The following INPP4B variants were observed in gnomAD, a reference collection of about 807,000 sequenced individuals.
INPP4B encodes the protein inositol polyphosphate-4-phosphatase type II B.
Under a neutral mutation model 122.5 loss-of-function variants are expected in INPP4B, and 55 were observed. The observed-to-expected ratio is 0.45, with a 90% CI of 0.36 to 0.56. The LOEUF (loss-of-function observed/expected upper bound fraction) is 0.56. INPP4B is among the 20% of genes least tolerant of loss of function. The probability of loss-of-function intolerance (pLI) is 0.00; values close to 1 mark genes in which losing one functional copy is unlikely to be tolerated. For missense variants in INPP4B, 1,000 were observed against 1,097.7 expected, an observed-to-expected ratio of 0.91 and a Z score of 1.26; for synonymous variants, 403 against 388.7, an observed-to-expected ratio of 1.04 and a Z score of -0.43.
chr4:142,624,223 G>A (rs36142547), intron 2 of INPP4B, among the ~76,000 whole-genome samples: 16,485 of 151,760 alleles, frequency 0.11, 926 homozygotes, highest in South Asian at 0.15. Flanking sequence ...ATCCTCTCCC[G>A]CACCTGTTGT....
chr4:142,584,434 G>A (rs1339161857), intron 2 of INPP4B, among the ~76,000 whole-genome samples: 1 of 152,046 alleles, frequency 6.6e-6, no homozygotes, highest in African/African-American at 2.4e-5. Context: ...ATTAGACATT[G>A]TATCTCCTTG....
intron 2 of INPP4B, among the ~76,000 whole-genome samples, chr4:142,474,758 G>A (rs750317276): frequency 2.0e-5 from 3 of 152,042 alleles, no homozygotes; most frequent in Non-Finnish European, 2.9e-5. Flanking sequence ...CTGTTGTCTG[G>A]AGAAACATCC....
chr4:142,504,791 A>T (rs1823800125), intron 2 of INPP4B, among the ~76,000 whole-genome samples: 1 of 152,148 alleles, frequency 6.6e-6, no homozygotes, highest in Admixed American at 6.6e-5. Context: ...AAATGATTAC[A>T]AATCACATAA....
chr4:142,427,511 A>G (rs1479450610), intron 5 of INPP4B: 2 of 651,708 alleles, frequency 3.1e-6, no homozygotes, highest in Non-Finnish European at 5.6e-6. Context: ...GTTGTTACTG[A>G]AATTTACTTG....
chr4:142,515,562 G>T (rs927358353), intron 2 of INPP4B, among the ~76,000 whole-genome samples: 2 of 152,130 alleles, frequency 1.3e-5, no homozygotes, highest in African/African-American at 4.8e-5. Context: ...GGGTGTAAGG[G>T]AATTCAGAGA....
chr4:142,826,514 A>ACG (rs1196294891), intron 1 of INPP4B, among the ~76,000 whole-genome samples: 1 of 146,126 alleles, frequency 6.8e-6, no homozygotes, highest in African/African-American at 2.5e-5. Context: ...ACACACACAC[A>ACG]CACAAATAAA....
At chr4:142,750,948 C>G (rs904018950) in intron 1 of INPP4B, among the ~76,000 whole-genome samples, 1 of 151,886 alleles carries the variant, frequency 6.6e-6, no homozygotes, top group South Asian at 2.1e-4. Flanking sequence ...GATGAGAAAA[C>G]TTAATAAGGA....
intron 1 of INPP4B, among the ~76,000 whole-genome samples, chr4:142,840,645 T>C (rs1359692816): frequency 6.6e-6 from 1 of 152,120 alleles, no homozygotes; most frequent in Admixed American, 6.5e-5. Context: ...AAATAAATTA[T>C]GTTTAAAAGA....
intron 25 of INPP4B, among the ~76,000 whole-genome samples, chr4:142,061,730 A>G (rs1011689098): frequency 4.6e-5 from 7 of 151,700 alleles, no homozygotes; most frequent in Non-Finnish European, 1.0e-4. Flanking sequence ...ATCAAATTAG[A>G]TTTAAGCAAA....
At chr4:142,703,849 A>G (rs1407182511) in intron 2 of INPP4B, among the ~76,000 whole-genome samples, 1 of 152,160 alleles carries the variant, frequency 6.6e-6, no homozygotes, top group African/African-American at 2.4e-5. Context: ...CAGACTAGTA[A>G]CTCAGAAGAG....
At chr4:142,368,943 G>A (rs1356766833) in intron 7 of INPP4B, among the ~76,000 whole-genome samples, 2 of 152,050 alleles carry the variant, frequency 1.3e-5, no homozygotes, top group Non-Finnish European at 2.9e-5. Context: ...TTCAAGAAGA[G>A]ACTAGTGTTT....
chr4:142,433,348 A>G (rs1317896398), intron 3 of INPP4B, among the ~76,000 whole-genome samples: 1 of 152,194 alleles, frequency 6.6e-6, no homozygotes, highest in African/African-American at 2.4e-5. Context: ...ATAGCTTTTA[A>G]GCATATTTCT....
intron 25 of INPP4B, among the ~76,000 whole-genome samples, chr4:142,056,957 C>T (rs1325113349): frequency 1.3e-5 from 2 of 152,092 alleles, no homozygotes; most frequent in African/African-American, 4.8e-5. Flanking sequence ...TGCTTGGGAA[C>T]TCTGAAGGCT....
intron 12 of INPP4B, among the ~76,000 whole-genome samples, chr4:142,212,124 T>C (rs910776765): frequency 3.3e-5 from 5 of 152,042 alleles, no homozygotes; most frequent in Non-Finnish European, 7.4e-5. Flanking sequence ...CGTGTACAAC[T>C]CAGATGTACT....
At chr4:142,160,315 C>A in intron 17 of INPP4B, 43 bp downstream of exon 17, 1 of 1,259,638 alleles carries the variant, frequency 7.9e-7, no homozygotes, top group South Asian at 2.4e-5. Context: ...CCTTATTTCT[C>A]ATTGCCAAAC....
chr4:142,646,860 A>G (rs1489688835), intron 2 of INPP4B, among the ~76,000 whole-genome samples: 2 of 152,172 alleles, frequency 1.3e-5, no homozygotes, highest in Non-Finnish European at 2.9e-5. Flanking sequence ...ACCATACAAA[A>G]CTAAGCAAAC....
At chr4:142,236,674 G>T (rs969980739) in intron 12 of INPP4B, among the ~76,000 whole-genome samples, 1 of 152,048 alleles carries the variant, frequency 6.6e-6, no homozygotes, top group Non-Finnish European at 1.5e-5. Context: ...TTGGGGTTCT[G>T]TTTTCATATT....
chr4:142,393,043 C>T (rs1395374499), intron 7 of INPP4B, among the ~76,000 whole-genome samples: 1 of 152,056 alleles, frequency 6.6e-6, no homozygotes, highest in Non-Finnish European at 1.5e-5. Context: ...TTTATATGTA[C>T]CCATCTCTAA....
chr4:142,568,808 A>G (rs115078286), intron 2 of INPP4B, among the ~76,000 whole-genome samples: 8,686 of 152,222 alleles, frequency 0.057, 302 homozygotes, highest in South Asian at 0.11. Context: ...TCTGTTGGAA[A>G]AAGTATCAAA....
Sources: gnomAD v4.1 joint callset for allele counts (sites outside exome capture counted in the v4.1 genomes callset) on GRCh38, gnomAD v4.1.1 for gene constraint, MANE v1.5 for transcripts, NCBI Gene and HGNC (gene_info 2026-07-23, HGNC 2026-07-21) for gene names.